Variants in SBF2 observed in about 807,000 individuals in gnomAD.
SBF2 encodes myotubularin-related protein 13.
Under a neutral mutation model 225.2 loss-of-function variants are expected in SBF2, and 112 were observed. The ratio of observed to expected loss-of-function variants is 0.50; its 90% CI spans 0.43 to 0.58. The LOEUF (loss-of-function observed/expected upper bound fraction) is 0.58, where lower values mean the gene tolerates loss of function less well. Among genes scored for constraint, SBF2 ranks in the 20% least tolerant of loss-of-function variants. The pLI, the probability that SBF2 is intolerant of heterozygous loss-of-function variation, is 0.00. For synonymous variants in SBF2, 763 were observed against 773.3 expected (o/e 0.99, Z 0.22); for missense variants, 1,996 against 2,206.2 (o/e 0.90, Z 1.91).
At chr11:9,969,718 T>A (rs1161376975) in intron 13 of SBF2, among the ~76,000 whole-genome samples, 1 of 152,178 alleles carries the variant, frequency 6.6e-6, no homozygotes, top group African/African-American at 2.4e-5. Flanking sequence ...ACACTCCCTA[T>A]CCCTGTTATA....
intron 6 of SBF2, among the ~76,000 whole-genome samples, chr11:10,015,811 CT>C (rs574438664): frequency 1.5e-3 from 217 of 148,672 alleles, no homozygotes; most frequent in Non-Finnish European, 2.4e-3. Flanking sequence ...TCCCTCTTTG[CT>C]TTTTTTTTTG....
intron 1 of SBF2, among the ~76,000 whole-genome samples, chr11:10,229,361 G>C (rs1958724576): frequency 6.6e-6 from 1 of 152,086 alleles, no homozygotes; most frequent in South Asian, 2.1e-4. Context: ...GCTAGCTTTT[G>C]AATGTGTTTG....
intron 2 of SBF2, among the ~76,000 whole-genome samples, chr11:10,046,897 C>T (rs889359145): frequency 2.8e-5 from 4 of 142,674 alleles, no homozygotes; most frequent in Admixed American, 2.7e-4. Flanking sequence ...AAAAAAAAAC[C>T]CATCCCTGGA....
At chr11:10,210,767 C>T (rs975081340) in intron 1 of SBF2, among the ~76,000 whole-genome samples, 1 of 151,960 alleles carries the variant, frequency 6.6e-6, no homozygotes, top group Non-Finnish European at 1.5e-5. Flanking sequence ...AATCCCAGCA[C>T]TTTGGGAGGC....
At position 9,858,088 on chromosome 11, in the gene SBF2, A is replaced by G. The variant is rs1479197797; in HGVS notation, c.2100+138T>C. 1.8e-5 allele frequency: 16 copies of G among 865,710 alleles called. No individual in the cohort carries two copies. The East Asian group carries it at 2.2e-4, about 12-fold the overall frequency. 53.6% of individuals were successfully genotyped at this position (865,710 alleles called of 1,614,324 possible). A position where few individuals can be genotyped will look rare whatever the true frequency, so the allele number is the denominator to read the frequency against. ...AATGTCTGAAATCAACAGAGGAAAGATATCACAGGGCTCCCTAAATAAAAC... is the reference window on the plus strand; with the variant it reads ...AATGTCTGAAATCAACAGAGGAAAGGTATCACAGGGCTCCCTAAATAAAAC... On this transcript the variant is annotated intron_variant, in intron 18 of 39. Transcript: ENST00000256190.
chr11:10,019,740 G>A (rs1341762274), intron 6 of SBF2, among the ~76,000 whole-genome samples: 2 of 151,942 alleles, frequency 1.3e-5, no homozygotes, highest in African/African-American at 4.8e-5. Flanking sequence ...TGAATAAGCT[G>A]AGAAAACTAA....
In SBF2 at chr11:10,138,221, C is replaced by G. The variant is rs368304664; in HGVS notation, c.141+55681G>C. Among the ~76,000 whole-genome samples, 10 of 152,020 alleles carry G rather than the reference C, an allele frequency of 6.6e-5. No homozygotes were observed. The East Asian group carries it at 7.7e-4, about 12-fold the overall frequency. ...ATTGGGTGAGTTGCAGCAGGTTGTG[C>G]TTTTCAAGTCATTTGTCCATTTCAT... On this transcript the variant is annotated intron_variant, in intron 2 of 39. Transcript: ENST00000256190.
chr11:10,139,719 G>C, intron 2 of SBF2, among the ~76,000 whole-genome samples: 1 of 152,152 alleles, frequency 6.6e-6, no homozygotes, highest in East Asian at 1.9e-4. Context: ...TTAAGTAATT[G>C]TCTTCCTGCC....
At chr11:10,076,155 T>C (rs1448970191) in intron 2 of SBF2, among the ~76,000 whole-genome samples, 1 of 152,186 alleles carries the variant, frequency 6.6e-6, no homozygotes, top group Non-Finnish European at 1.5e-5. Flanking sequence ...TATCTTACAA[T>C]ACATATTTCT....
At chr11:10,002,136 C>T (rs983240349) in intron 7 of SBF2, among the ~76,000 whole-genome samples, 2 of 152,078 alleles carry the variant, frequency 1.3e-5, no homozygotes, top group Non-Finnish European at 2.9e-5. Flanking sequence ...TTTCTCTCTA[C>T]TGTATTATTC....
intron 1 of SBF2, among the ~76,000 whole-genome samples, chr11:10,267,169 C>T (rs977096943): frequency 6.6e-6 from 1 of 152,168 alleles, no homozygotes; most frequent in Non-Finnish European, 1.5e-5. Flanking sequence ...TCCCTACTTC[C>T]TCCATCCTCC....
intron 37 of SBF2, 124 bp from the exon 38 acceptor site, chr11:9,784,562 T>C (rs1852247490): frequency 2.6e-6 from 2 of 767,686 alleles, no homozygotes; most frequent in Admixed American, 2.1e-5. Context: ...AAATGGCCTA[T>C]AAGAGTTCTC....
chr11:9,873,651 A>G (rs6483781), intron 17 of SBF2, among the ~76,000 whole-genome samples: 2,480 of 152,344 alleles, frequency 0.016, 70 homozygotes, highest in African/African-American at 0.056. Context: ...GTGAGGAGGC[A>G]TATACCTAGA....
At chr11:10,144,493 A>G (rs1954800346) in intron 2 of SBF2, among the ~76,000 whole-genome samples, 1 of 152,182 alleles carries the variant, frequency 6.6e-6, no homozygotes, top group African/African-American at 2.4e-5. Flanking sequence ...ATCTCAAAAT[A>G]AAATAAAATA....
At chr11:9,865,455 T>C (rs1403257006) in intron 17 of SBF2, among the ~76,000 whole-genome samples, 1 of 151,854 alleles carries the variant, frequency 6.6e-6, no homozygotes, top group Non-Finnish European at 1.5e-5. Flanking sequence ...TTTGGAAGGC[T>C]GAGGCACGTG....
rs145782853 is a variant in SBF2 at position 10,258,008 on chromosome 11, T to C, written c.55+36007A>G. ...TTAAAACAGAGCTCAAACTTCTATA[T>C]TGTAGGACATATCAGAATTTTTAAC... On this transcript the variant is annotated intron_variant, in intron 1 of 39. Coordinates refer to ENST00000256190, the MANE Select transcript of SBF2 (RefSeq NM_030962.4). Among the ~76,000 whole-genome samples the C allele has an allele frequency of 1.9e-3, 285 of 151,922 alleles. 1 individual carries two copies. Among genetic ancestry groups the C allele is most frequent in the African/African-American group, 6.3e-3 (263 of 41,450 alleles).
At chr11:10,043,664 C>A (rs1455587145) in intron 2 of SBF2, among the ~76,000 whole-genome samples, 1 of 152,080 alleles carries the variant, frequency 6.6e-6, no homozygotes. Flanking sequence ...AACCCCAACC[C>A]CCTGGGCTCA....
chr11:10,291,274 C>G (rs1964141372), intron 1 of SBF2, among the ~76,000 whole-genome samples: 1 of 152,072 alleles, frequency 6.6e-6, no homozygotes, highest in Admixed American at 6.6e-5. Flanking sequence ...GGATTAGTTC[C>G]CTTTTTAAAG....
intron 6 of SBF2, among the ~76,000 whole-genome samples, chr11:10,007,389 G>A (rs546730894): frequency 6.6e-6 from 1 of 152,264 alleles, no homozygotes; most frequent in South Asian, 2.1e-4. Flanking sequence ...AAAAGGGAAA[G>A]GCTAATATTT....
Sources: gnomAD v4.1 joint callset for allele counts (sites outside exome capture counted in the v4.1 genomes callset) on GRCh38, gnomAD v4.1.1 for gene constraint, MANE v1.5 for transcripts, NCBI Gene and HGNC (gene_info 2026-07-23, HGNC 2026-07-21) for gene names.